Variants in LIN54 observed in about 807,000 individuals in gnomAD.
LIN54 encodes lin-54 DREAM MuvB core complex component, also known as protein lin-54 homolog.
A neutral mutation model predicts 78.7 loss-of-function variants in LIN54; 9 were observed. The ratio of observed to expected loss-of-function variants is 0.11; its 90% confidence interval spans 0.07 to 0.20. The LOEUF (loss-of-function observed/expected upper bound fraction) is 0.20, where lower values mean the gene tolerates loss of function less well. LIN54 is among the 10% of genes least tolerant of loss of function. LIN54 has a pLI of 1.00. For synonymous variants in LIN54, 269 were observed against 318.4 expected, an observed-to-expected ratio of 0.84 and a Z score of 1.65; for missense variants, 573 against 889.9, an observed-to-expected ratio of 0.64 and a Z score of 4.53.
intron 11 of LIN54, among the ~76,000 whole-genome samples, chr4:82,933,707 G>A (rs1722155436): frequency 6.6e-6 from 1 of 152,214 alleles, no homozygotes; most frequent in Admixed American, 6.5e-5. Context: ...ACTAGACAGT[G>A]TATCTGTCCC....
At position 82,970,422 on chromosome 4, in the gene LIN54, T is replaced by C; in HGVS notation, c.856A>G (p.Thr286Ala). 1 of 1,613,382 alleles carries C rather than the reference T, an allele frequency of 6.2e-7. No homozygotes were observed. The change falls in exon 4 of 13, where the codon ACA becomes GCA. Residue 286 changes from threonine to alanine, a missense_variant. This residue lies in a region of LIN54 where 199 missense variants were observed against 260.9 expected (regional missense o/e 0.76). Transcript: ENST00000340417. Reference protein sequence around the residue: ...STPGTPSKTITISESGVIGST... With the variant: ...STPGTPSKTIAISESGVIGST... ...CCAATAACACCACTTTCAGATATTG[T>C]TATGGTCTTTGATGGAGTTCCGGGA...
At chr4:82,971,182 CTG>C (rs1205140358) in intron 3 of LIN54, among the ~76,000 whole-genome samples, 2 of 152,164 alleles carry the variant, frequency 1.3e-5, no homozygotes, top group African/African-American at 4.8e-5. Flanking sequence ...TTCTTGAAGA[CTG>C]TGTGATAGCC....
Position 82,925,469 on chromosome 4 carries a change from T to G in LIN54, c.*2633A>C, listed in dbSNP as rs1196645551. 2 of 152,532 alleles carry G rather than the reference T, an allele frequency of 1.3e-5. No individual in the cohort carries two copies. Among genetic ancestry groups the G allele is most frequent in the African/African-American group, 4.8e-5 (2 of 41,450 alleles). 9.4% of individuals were successfully genotyped at this position (152,532 alleles called of 1,614,324 possible). A position where few individuals can be genotyped will look rare whatever the true frequency, so the allele number is the denominator to read the frequency against. On this transcript the variant is annotated 3_prime_UTR_variant, in exon 13 of 13. Coordinates refer to ENST00000340417, the MANE Select transcript of LIN54 (RefSeq NM_194282.4). ...CCTTGACCTCCCAAAGTGCTGGAAT[T>G]ACAGGCGTGAGCCACCATGCCCGGC... is the stretch of plus-strand genomic sequence containing the variant.
intron 3 of LIN54, among the ~76,000 whole-genome samples, chr4:82,972,078 G>A (rs1725703719): frequency 6.6e-6 from 1 of 152,122 alleles, no homozygotes; most frequent in Non-Finnish European, 1.5e-5. Context: ...TTTTGAGACA[G>A]GGGTCTCCCT....
At chr4:82,985,481 C>A (rs888785783) in intron 1 of LIN54, among the ~76,000 whole-genome samples, 3 of 152,124 alleles carry the variant, frequency 2.0e-5, no homozygotes, top group African/African-American at 7.2e-5. Context: ...AGCTTCATAC[C>A]AGGGAAATTT....
chr4:82,968,287 T>G (rs1434974326), intron 4 of LIN54, among the ~76,000 whole-genome samples: 2 of 152,186 alleles, frequency 1.3e-5, no homozygotes, highest in South Asian at 4.1e-4. Context: ...CTTGTTCTTA[T>G]AGTTAAGTGT....
At chr4:82,946,563 T>C (rs1236412184) in intron 4 of LIN54, 89 bp from the exon 5 acceptor site, 1 of 965,110 alleles carries the variant, frequency 1.0e-6, no homozygotes, top group Non-Finnish European at 1.6e-6. Context: ...AGTTGTAAAG[T>C]ATGCTCCTGT....
At chr4:82,974,897 G>A (rs1442510742) in intron 3 of LIN54, among the ~76,000 whole-genome samples, 1 of 151,670 alleles carries the variant, frequency 6.6e-6, no homozygotes, top group African/African-American at 2.4e-5. Flanking sequence ...ACAAAAGTGG[G>A]ATGGTGGCTG....
At chr4:82,958,517 T>C (rs551728671) in intron 4 of LIN54, among the ~76,000 whole-genome samples, 9 of 152,306 alleles carry the variant, frequency 5.9e-5, no homozygotes, top group African/African-American at 2.2e-4. Context: ...ATATCACTTA[T>C]CCAACTGTAA....
upstream of LIN54, chr4:83,012,073 G>A (rs1229467203): frequency 1.0e-6 from 1 of 982,738 alleles, no homozygotes; most frequent in Non-Finnish European, 1.2e-6. Flanking sequence ...TTCAACAAGG[G>A]CTGTCCACCA....
chr4:82,944,561 T>C (rs1180557418), intron 5 of LIN54, among the ~76,000 whole-genome samples: 11 of 150,420 alleles, frequency 7.3e-5, no homozygotes, highest in East Asian at 2.0e-4. Context: ...TTAGAAAATA[T>C]AACTGCTTGC....
chr4:82,976,907 A>G (rs2126079026), intron 3 of LIN54, among the ~76,000 whole-genome samples: 1 of 152,308 alleles, frequency 6.6e-6, no homozygotes, highest in South Asian at 2.1e-4. Context: ...AATGCCAACA[A>G]TGCTAGTAAA....
At chr4:82,978,611 G>A (rs10000180) in intron 3 of LIN54, among the ~76,000 whole-genome samples, 48,053 of 151,966 alleles carry the variant, frequency 0.32, 8,595 homozygotes, top group East Asian at 0.5. Flanking sequence ...CTAGCACACA[G>A]TGAACACTGT....
chr4:83,005,569 G>A (rs1274970783), intron 1 of LIN54, among the ~76,000 whole-genome samples: 1 of 149,886 alleles, frequency 6.7e-6, no homozygotes, highest in Non-Finnish European at 1.5e-5. Flanking sequence ...AGGTTGCAGT[G>A]AGCCAAGATC....
chr4:82,964,152 G>T (rs868599683), intron 4 of LIN54, among the ~76,000 whole-genome samples: 55 of 151,620 alleles, frequency 3.6e-4, no homozygotes, highest in African/African-American at 1.2e-3. Context: ...CCAGATTCAA[G>T]AAATTCTCCT....
At chr4:82,955,732 C>T (rs1248279565) in intron 4 of LIN54, among the ~76,000 whole-genome samples, 2 of 144,144 alleles carry the variant, frequency 1.4e-5, no homozygotes, top group Non-Finnish European at 3.0e-5. Context: ...CCAGCCTAGG[C>T]AACACAGCAA....
chr4:82,989,951 A>G (rs552112513), intron 1 of LIN54, among the ~76,000 whole-genome samples: 1 of 152,148 alleles, frequency 6.6e-6, no homozygotes, highest in African/African-American at 2.4e-5. Context: ...GTGTACAACA[A>G]CCAAAGCACC....
intron 4 of LIN54, among the ~76,000 whole-genome samples, chr4:82,948,737 G>A (rs1242012254): frequency 4.5e-5 from 2 of 44,840 alleles, no homozygotes; most frequent in Admixed American, 3.4e-4. Flanking sequence ...TTCTATCTCT[G>A]TATATTTGAC....
intron 3 of LIN54, among the ~76,000 whole-genome samples, chr4:82,975,291 A>G (rs1726072196): frequency 1.3e-5 from 2 of 151,692 alleles, no homozygotes; most frequent in Non-Finnish European, 1.5e-5. Flanking sequence ...AGTTGAGATC[A>G]CGCCACTGCA....
Sources: allele counts gnomAD v4.1 joint callset (sites outside exome capture counted in the v4.1 genomes callset), GRCh38; gene constraint gnomAD v4.1.1; regional missense constraint gnomAD v4.1.1; transcripts MANE v1.5; gene names NCBI Gene and HGNC (gene_info 2026-07-23, HGNC 2026-07-21).